Variants in HIVEP1 observed in about 807,000 individuals in gnomAD.
HIVEP1 encodes HIVEP zinc finger 1, also known as zinc finger protein 40.
HIVEP1 carries 36 observed loss-of-function variants against 180.0 expected under a neutral mutation model. The ratio of observed to expected loss-of-function variants is 0.20; its 90% CI spans 0.15 to 0.26. The LOEUF is 0.26. Among genes scored for constraint, HIVEP1 ranks in the 10% least tolerant of loss-of-function variants. HIVEP1 has a pLI of 1.00. For missense variants in HIVEP1, 3,143 were observed against 3,268.7 expected (o/e 0.96, Z 0.94); for synonymous variants, 1,239 against 1,239.0 (o/e 1.00, Z 0.00).
rs1757994263 is a variant in HIVEP1 at position 12,125,361 on chromosome 6, C to G, written c.5566C>G (p.Gln1856Glu). The G allele has an allele frequency of 6.2e-7, 1 of 1,613,926 alleles. No individual in the cohort carries two copies. ...CGTTATAGAACCTATAAGTGAATTGCAGGAATTTGAAAACATCAAGTCATC... is the reference window on the plus strand; with the variant it reads ...CGTTATAGAACCTATAAGTGAATTGGAGGAATTTGAAAACATCAAGTCATC... ...FVVIEPISEL[Q>E]EFENIKSSTS... Residue 1856 changes from glutamine to glutamate, a missense_variant, in exon 4 of 9, where the codon CAG becomes GAG. This residue lies in a region of HIVEP1 where 1,357 missense variants were observed against 1,260.5 expected (regional missense o/e 1.08). Transcript: ENST00000379388.
At chr6:12,114,036 T>C (rs1775070292) in intron 3 of HIVEP1, among the ~76,000 whole-genome samples, 1 of 152,338 alleles carries the variant, frequency 6.6e-6, no homozygotes, top group Admixed American at 6.5e-5. Context: ...ACTACCTGTT[T>C]ATAAACACAC....
At chr6:12,154,095 C>T (rs1759870972) in intron 7 of HIVEP1, among the ~76,000 whole-genome samples, 1 of 152,190 alleles carries the variant, frequency 6.6e-6, no homozygotes, top group Admixed American at 6.5e-5. Context: ...TTGCAGTGTA[C>T]ATGTGTATTC....
rs1232557379 is a variant in HIVEP1 at position 12,125,661 on chromosome 6, C to A, written c.5866C>A (p.Pro1956Thr). 2 of 1,614,178 alleles carry A rather than the reference C, an allele frequency of 1.2e-6. No homozygotes were observed. The highest frequency in any genetic ancestry group is 2.2e-5 in the South Asian group (2 of 91,086). ...YLLRQKSLHL[P>T]QKDQKTSAYT... ...CTTAAGGCAGAAGTCGTTGCATTTGCCTCAGAAGGACCAGAAAACTTCAGC... is the reference window on the plus strand; with the variant it reads ...CTTAAGGCAGAAGTCGTTGCATTTGACTCAGAAGGACCAGAAAACTTCAGC... The change falls in exon 4 of 9, where the codon CCT becomes ACT. Residue 1956 changes from proline to threonine, a missense_variant. Pro to Thr is a conservative substitution (Grantham distance 38). Around this residue, in one of 12 missense-constraint regions of HIVEP1, gnomAD observed 1,357 missense variants for 1,260.5 expected, o/e 1.08. Coordinates refer to ENST00000379388, the MANE Select transcript of HIVEP1 (RefSeq NM_002114.4).
intron 7 of HIVEP1, among the ~76,000 whole-genome samples, chr6:12,136,633 A>G (rs1042625761): frequency 2.6e-5 from 4 of 152,250 alleles, no homozygotes; most frequent in African/African-American, 7.2e-5. Flanking sequence ...CACCAGAAGC[A>G]CTTAGCGCAG....
At chr6:12,066,378 T>C (rs1045682342) in intron 2 of HIVEP1, among the ~76,000 whole-genome samples, 1 of 152,254 alleles carries the variant, frequency 6.6e-6, no homozygotes, top group Admixed American at 6.5e-5. Flanking sequence ...AGTTCAGTTA[T>C]ATTTCTGTGT....
rs750723102 is a variant in HIVEP1 at position 12,122,446 on chromosome 6, A to G, written c.2651A>G (p.Asn884Ser). The part of the protein sequence containing the change: ...FYDDVFVSGP[N>S]APVPQSGHPR... ...GATGATGTCTTTGTATCGGGACCTA[A>G]CGCTCCTGTGCCCCAGAGTGGGCAT... The change falls in exon 4 of 9, where the codon AAC becomes AGC. Residue 884 changes from asparagine (N) to serine (S), a missense_variant. Asn to Ser is a conservative substitution (Grantham distance 46). Coordinates refer to ENST00000379388, the MANE Select transcript of HIVEP1 (RefSeq NM_002114.4). 15 of 1,614,066 alleles carry G rather than the reference A, an allele frequency of 9.3e-6. No homozygotes were observed. The highest frequency in any genetic ancestry group is 1.3e-5 in the Non-Finnish European group (15 of 1,180,038).
intron 2 of HIVEP1, among the ~76,000 whole-genome samples, chr6:12,050,503 G>A (rs911034094): frequency 5.9e-5 from 9 of 151,834 alleles, no homozygotes; most frequent in Non-Finnish European, 1.0e-4. Context: ...GGAGAATGGC[G>A]TGAACCCGGG....
chr6:12,118,718 G>A (rs1209493152), intron 3 of HIVEP1, among the ~76,000 whole-genome samples: 2 of 152,072 alleles, frequency 1.3e-5, no homozygotes, highest in African/African-American at 4.8e-5. Flanking sequence ...ACAACCTTAT[G>A]ACTTTTTAAT....
At chr6:12,035,971 A>C (rs1287831891) in intron 2 of HIVEP1, among the ~76,000 whole-genome samples, 1 of 152,214 alleles carries the variant, frequency 6.6e-6, no homozygotes, top group Non-Finnish European at 1.5e-5. Flanking sequence ...CAAATGCTAA[A>C]GTATTATATG....
At chr6:12,091,701 T>C (rs1423945553) in intron 3 of HIVEP1, among the ~76,000 whole-genome samples, 1 of 152,160 alleles carries the variant, frequency 6.6e-6, no homozygotes, top group African/African-American at 2.4e-5. Flanking sequence ...TTTTTCTCTT[T>C]TGAATGAAAA....
intron 3 of HIVEP1, among the ~76,000 whole-genome samples, chr6:12,090,735 CT>C (rs35266647): frequency 0.27 from 21,811 of 81,746 alleles, 2,174 homozygotes; most frequent in East Asian, 0.56. Context: ...TATAGCCAGC[CT>C]TTTTTTTTTT....
intron 2 of HIVEP1, among the ~76,000 whole-genome samples, chr6:12,042,204 C>T (rs577455635): frequency 6.6e-6 from 1 of 150,460 alleles, no homozygotes; most frequent in African/African-American, 2.5e-5. Context: ...CTCAGCCTCC[C>T]GAGTAGCTGG....
intron 2 of HIVEP1, among the ~76,000 whole-genome samples, chr6:12,078,139 T>G (rs1182373275): frequency 6.6e-6 from 1 of 152,236 alleles, no homozygotes; most frequent in Non-Finnish European, 1.5e-5. Context: ...CAGGCAGGTC[T>G]GTTGATCTCA....
chr6:12,102,498 C>T (rs973107141), intron 3 of HIVEP1, among the ~76,000 whole-genome samples: 1 of 13,984 alleles, frequency 7.2e-5, no homozygotes, highest in Admixed American at 1.7e-3. Flanking sequence ...AAATGTCAGT[C>T]AGCAAACCAA....
chr6:12,136,746 A>T (rs1057500775), intron 7 of HIVEP1, among the ~76,000 whole-genome samples: 15 of 151,964 alleles, frequency 9.9e-5, no homozygotes, highest in East Asian at 3.8e-4. Context: ...GTTTTTTTTT[A>T]AAAGGTGTTA....
rs186063116 is a variant in HIVEP1 at position 12,024,789 on chromosome 6, C to T, written c.40+9121C>T. On this transcript the variant is annotated intron_variant, in intron 2 of 8. Transcript: ENST00000379388. ...TTGGAAGGTGGTTGGTTAAGCCACG[C>T]CAGGAGTGAACCAAGGCTCTCCCTT... is the stretch of plus-strand genomic sequence containing the variant. Among the ~76,000 whole-genome samples, 272 of 152,274 alleles carry T rather than the reference C, an allele frequency of 1.8e-3. 1 individual carries two copies. The highest frequency in any genetic ancestry group is 7.6e-3 in the Admixed American group (116 of 15,302).
the HIVEP1 span, among the ~76,000 whole-genome samples, chr6:12,206,091 A>G: frequency 6.6e-6 from 1 of 152,158 alleles, no homozygotes; most frequent in South Asian, 2.1e-4. Flanking sequence ...CTAATCCAAT[A>G]TGACTGGTGT....
At chr6:12,016,818 C>T (rs1767785149) in intron 2 of HIVEP1, among the ~76,000 whole-genome samples, 1 of 152,210 alleles carries the variant, frequency 6.6e-6, no homozygotes, top group East Asian at 1.9e-4. Flanking sequence ...TCACTAGAAT[C>T]TGAACTCCCT....
the HIVEP1 span, among the ~76,000 whole-genome samples, chr6:12,204,139 A>T: frequency 6.6e-6 from 1 of 152,066 alleles, no homozygotes; most frequent in African/African-American, 2.4e-5. Context: ...CCTTCCCCTC[A>T]TAAGTGAGGA....
Sources: allele counts gnomAD v4.1 joint callset (sites outside exome capture counted in the v4.1 genomes callset), GRCh38; gene constraint gnomAD v4.1.1; regional missense constraint gnomAD v4.1.1; transcripts MANE v1.5; gene names NCBI Gene and HGNC (gene_info 2026-07-23, HGNC 2026-07-21).